Variants in SNX29 observed in about 807,000 individuals in gnomAD.
SNX29 encodes the protein sorting nexin-29.
In SNX29, 78 loss-of-function variants were observed where a neutral mutation model predicts 102.1. The observed-to-expected ratio is 0.76, with a 90% confidence interval of 0.64 to 0.92. The LOEUF (loss-of-function observed/expected upper bound fraction) is 0.92. Among genes scored for constraint, SNX29 ranks in the 40% least tolerant of loss-of-function variants. The pLI is 0.00. For missense variants in SNX29, 1,280 were observed against 1,061.7 expected (o/e 1.21, Z -2.86); for synonymous variants, 580 against 414.5 (o/e 1.40, Z -4.85).
chr16:12,556,061 T>C (rs1226211666), intron 20 of SNX29, among the ~76,000 whole-genome samples: 1 of 151,502 alleles, frequency 6.6e-6, no homozygotes, highest in Non-Finnish European at 1.5e-5. Context: ...AAGGGTGCTT[T>C]TCTTATTAAT....
chr16:12,159,917 A>T (rs9934120), intron 13 of SNX29, among the ~76,000 whole-genome samples: 63,288 of 152,114 alleles, frequency 0.42, 16,762 homozygotes, highest in African/African-American at 0.76. Context: ...GAATCTTAGA[A>T]TCCAGTGCAT....
rs575119508 is a variant in SNX29, at chr16:12,104,428, T to C, written c.1403-22205T>C. On this transcript the variant is annotated intron_variant, in intron 11 of 20. Coordinates refer to ENST00000566228, the MANE Select transcript of SNX29 (RefSeq NM_032167.5). ...AAAATTAGCTGGGCGTGGTGGTGCA[T>C]GCCTGTAATCCCAGCTATACAGGAG... Among the ~76,000 whole-genome samples the C allele has an allele frequency of 1.6e-3, 237 of 152,216 alleles. 1 individual carries two copies. The highest frequency in any genetic ancestry group is 2.8e-3 in the Non-Finnish European group (192 of 68,014).
intron 19 of SNX29, among the ~76,000 whole-genome samples, chr16:12,491,166 C>G (rs951347512): frequency 6.6e-6 from 1 of 152,242 alleles, no homozygotes; most frequent in Admixed American, 6.5e-5. Context: ...TATGTACTCT[C>G]TCTTTGATGA....
chr16:12,044,581 T>C (rs1465103678), intron 5 of SNX29, among the ~76,000 whole-genome samples: 5 of 152,096 alleles, frequency 3.3e-5, no homozygotes, highest in Non-Finnish European at 7.3e-5. Context: ...TCCTGTTTCT[T>C]TCTTTCCTTT....
chr16:12,027,641 C>A (rs188223896), intron 4 of SNX29, 197 bp downstream of exon 4: 4 of 584,704 alleles, frequency 6.8e-6, no homozygotes, highest in Non-Finnish European at 1.1e-5. Context: ...ATGAAGTCAT[C>A]TTTTGTGCAG....
chr16:12,062,865 G>A (rs1419518218), intron 9 of SNX29, among the ~76,000 whole-genome samples: 5 of 152,304 alleles, frequency 3.3e-5, no homozygotes, highest in Admixed American at 1.3e-4. Flanking sequence ...GCAGCAGGAC[G>A]GGGCCAGTCA....
In SNX29 at chr16:12,156,102, CT is replaced by C. The variant is rs201883954; in HGVS notation, c.1595+26345del. ...CCCACATCTCCTTGAAGCCTTGGCT[CT>C]AACGTTTCTCTCTACCAAGACCCTC... On this transcript the variant is annotated intron_variant, in intron 13 of 20. Transcript: ENST00000566228. Among the ~76,000 whole-genome samples the C allele has an allele frequency of 5.2e-3, 790 of 152,374 alleles. 49 individuals carry two copies. In the East Asian group the frequency reaches 0.13, roughly 24 times the overall value.
chr16:12,178,387 T>G (rs2076308574), intron 13 of SNX29, among the ~76,000 whole-genome samples: 1 of 151,960 alleles, frequency 6.6e-6, no homozygotes, highest in South Asian at 2.1e-4. Context: ...CTCATTGGAG[T>G]GTGATGCTGG....
chr16:12,539,672 TTGCTCTGCACCCTGGGCAGC>T (rs1201525447), intron 20 of SNX29, among the ~76,000 whole-genome samples: 1 of 152,184 alleles, frequency 6.6e-6, no homozygotes, highest in Non-Finnish European at 1.5e-5. Flanking sequence ...AGGGGCCCAG[TTGCTCTGCACCCTGGGCAGC>T]ATGTCATACT....
chr16:12,565,806 C>T (rs775599700), intron 20 of SNX29, among the ~76,000 whole-genome samples: 1 of 152,212 alleles, frequency 6.6e-6, no homozygotes, highest in Non-Finnish European at 1.5e-5. Flanking sequence ...ACACAGCAAC[C>T]CTCAGCTCAC....
intron 14 of SNX29, among the ~76,000 whole-genome samples, chr16:12,266,955 G>A (rs2142561346): frequency 6.6e-6 from 1 of 152,084 alleles, no homozygotes; most frequent in Admixed American, 6.6e-5. Flanking sequence ...TGGAGATGGG[G>A]TTTTACCGTG....
At chr16:12,326,587 C>T (rs1011268982) in intron 15 of SNX29, among the ~76,000 whole-genome samples, 50 of 152,106 alleles carry the variant, frequency 3.3e-4, no homozygotes, top group African/African-American at 1.2e-3. Flanking sequence ...TCCAAGAAAA[C>T]TTTATGTGCA....
intron 20 of SNX29, among the ~76,000 whole-genome samples, chr16:12,542,104 C>T (rs532193179): frequency 1.4e-4 from 22 of 152,234 alleles, no homozygotes; most frequent in Non-Finnish European, 2.8e-4. Context: ...CTCTTCCCAA[C>T]GGATCCCTAA....
At chr16:12,144,856 G>A (rs2054998440) in intron 13 of SNX29, among the ~76,000 whole-genome samples, 2 of 152,158 alleles carry the variant, frequency 1.3e-5, no homozygotes, top group Admixed American at 1.3e-4. Context: ...CCAGTAGCTG[G>A]GACTACAGGC....
intron 16 of SNX29, among the ~76,000 whole-genome samples, chr16:12,385,662 A>G (rs1302117850): frequency 6.6e-6 from 1 of 152,164 alleles, no homozygotes; most frequent in African/African-American, 2.4e-5. Flanking sequence ...TCCCAAATAA[A>G]CATGCAAACA....
chr16:12,145,008 G>T (rs930009816), intron 13 of SNX29, among the ~76,000 whole-genome samples: 4 of 152,146 alleles, frequency 2.6e-5, no homozygotes, highest in South Asian at 2.1e-4. Context: ...GGCGTGAGCC[G>T]CTGCGCCCGG....
At chr16:12,540,535 C>T (rs943006189) in intron 20 of SNX29, among the ~76,000 whole-genome samples, 2 of 152,252 alleles carry the variant, frequency 1.3e-5, no homozygotes, top group Non-Finnish European at 2.9e-5. Context: ...TGTTTCGCGG[C>T]TTCCTGGCAG....
At chr16:12,549,486 C>T (rs934224150) in intron 20 of SNX29, among the ~76,000 whole-genome samples, 3 of 132,090 alleles carry the variant, frequency 2.3e-5, no homozygotes, top group Admixed American at 1.5e-4. Flanking sequence ...CAGGAAGATC[C>T]TCACACATAC....
At chr16:12,552,577 C>T (rs1479714389) in intron 20 of SNX29, among the ~76,000 whole-genome samples, 1 of 151,454 alleles carries the variant, frequency 6.6e-6, no homozygotes, top group Admixed American at 6.6e-5. Context: ...AAGTTGCTGC[C>T]CTCATGGAGT....
Sources: gnomAD v4.1 joint callset for allele counts (sites outside exome capture counted in the v4.1 genomes callset) on GRCh38, gnomAD v4.1.1 for gene constraint, MANE v1.5 for transcripts, NCBI Gene and HGNC (gene_info 2026-07-23, HGNC 2026-07-21) for gene names.